The following TC2N variants were observed in gnomAD, a reference collection of about 807,000 sequenced individuals.
TC2N encodes the protein tandem C2 domains nuclear protein.
Under a neutral mutation model 61.9 loss-of-function variants are expected in TC2N, and 51 were observed. The observed-to-expected ratio is 0.82, with a 90% CI of 0.66 to 1.04. The LOEUF (loss-of-function observed/expected upper bound fraction) is 1.04, where lower values mean the gene tolerates loss of function less well. Ranked by LOEUF, TC2N falls within the 50% of genes least tolerant of loss-of-function variation. The probability of loss-of-function intolerance (pLI) is 0.00; values close to 1 mark genes in which losing one functional copy is unlikely to be tolerated. For missense variants in TC2N, 556 were observed against 566.7 expected (o/e 0.98, Z 0.19); for synonymous variants, 204 against 192.6 (o/e 1.06, Z -0.49).
At chr14:91,785,062 C>CTT (rs1270192144) in intron 11 of TC2N, 100 bp downstream of exon 11, 23 of 753,198 alleles carry the variant, frequency 3.1e-5, no homozygotes, top group Admixed American at 5.6e-5. Flanking sequence ...TGCTGAAGAA[C>CTT]TGTACTCTAT....
chr14:91,825,816 C>G (rs1453891264), intron 1 of TC2N, among the ~76,000 whole-genome samples: 1 of 152,074 alleles, frequency 6.6e-6, no homozygotes, highest in African/African-American at 2.4e-5. Context: ...CTGTCTTATT[C>G]TTTTGTTTTT....
At chr14:91,857,735 T>C (rs1284861154) in intron 1 of TC2N, among the ~76,000 whole-genome samples, 3 of 152,164 alleles carry the variant, frequency 2.0e-5, no homozygotes, top group Non-Finnish European at 4.4e-5. Flanking sequence ...ATTCGCACTA[T>C]GATGTACAGT....
intron 1 of TC2N, among the ~76,000 whole-genome samples, chr14:91,847,749 G>A (rs567764161): frequency 6.6e-6 from 1 of 152,274 alleles, no homozygotes; most frequent in South Asian, 2.1e-4. Flanking sequence ...ACTAAATAAC[G>A]ATAAAATGCT....
intron 1 of TC2N, among the ~76,000 whole-genome samples, chr14:91,854,621 G>T (rs1186770817): frequency 6.6e-6 from 1 of 152,148 alleles, no homozygotes; most frequent in Non-Finnish European, 1.5e-5. Flanking sequence ...AAGACTAAGG[G>T]TTGTCTTTGG....
At chr14:91,819,022 C>T (rs188130785) in intron 1 of TC2N, among the ~76,000 whole-genome samples, 3 of 152,112 alleles carry the variant, frequency 2.0e-5, no homozygotes, top group Admixed American at 2.0e-4. Flanking sequence ...ATCTAAGAAC[C>T]TCCGCCAACA....
chr14:91,855,385 G>A (rs1322163654), intron 1 of TC2N, among the ~76,000 whole-genome samples: 2 of 152,206 alleles, frequency 1.3e-5, no homozygotes, highest in Non-Finnish European at 2.9e-5. Context: ...AGAGGCTCTA[G>A]GGGAGAATCC....
chr14:91,848,562 A>G (rs1456542050), intron 1 of TC2N, among the ~76,000 whole-genome samples: 1 of 152,200 alleles, frequency 6.6e-6, no homozygotes, highest in Non-Finnish European at 1.5e-5. Flanking sequence ...TGGTAACTTT[A>G]TTCCAATTTC....
intron 1 of TC2N, among the ~76,000 whole-genome samples, chr14:91,865,031 C>T (rs116914625): frequency 0.017 from 2,550 of 152,114 alleles, 35 homozygotes; most frequent in Non-Finnish European, 0.026. Flanking sequence ...CTGCCCACTT[C>T]GGCCTCCCAG....
chr14:91,853,425 T>C (rs193231142), intron 1 of TC2N, among the ~76,000 whole-genome samples: 1 of 152,314 alleles, frequency 6.6e-6, no homozygotes. Context: ...AGATGTTCAC[T>C]GCGATAATGG....
Position 91,779,966 on chromosome 14 carries a change from A to C in TC2N, c.*3134T>G, listed in dbSNP as rs1277082424. The C allele has an allele frequency of 6.6e-6, 1 of 152,172 alleles. No individual in the cohort carries two copies. The highest frequency in any genetic ancestry group is 1.5e-5 in the Non-Finnish European group (1 of 68,032). 9.4% of individuals were successfully genotyped at this position (152,172 alleles called of 1,614,324 possible). A position where few individuals can be genotyped will look rare whatever the true frequency, so the allele number is the denominator to read the frequency against. On this transcript the variant is annotated 3_prime_UTR_variant, in exon 12 of 12. Transcript: ENST00000435962. ...TCTTTTAATATATTTCTAAATCTTA[A>C]ATCTATATTTCAAAATGAACATGGT... is the stretch of plus-strand genomic sequence containing the variant.
chr14:91,836,758 G>A (rs548211624), intron 1 of TC2N, among the ~76,000 whole-genome samples: 9 of 152,174 alleles, frequency 5.9e-5, no homozygotes, highest in Non-Finnish European at 1.0e-4. Flanking sequence ...TCCTGGGAAG[G>A]TGTAAAATGC....
At chr14:91,788,901 T>C (rs1885493515) in intron 9 of TC2N, among the ~76,000 whole-genome samples, 1 of 152,208 alleles carries the variant, frequency 6.6e-6, no homozygotes, top group African/African-American at 2.4e-5. Context: ...TTATTGCTTT[T>C]GACTGTAATC....
At chr14:91,840,120 C>T (rs772223925) in intron 1 of TC2N, among the ~76,000 whole-genome samples, 7 of 152,308 alleles carry the variant, frequency 4.6e-5, no homozygotes, top group East Asian at 1.9e-4. Flanking sequence ...GCTCACAATA[C>T]GACAAGATGG....
intron 1 of TC2N, among the ~76,000 whole-genome samples, chr14:91,814,240 G>A (rs1442838053): frequency 2.0e-5 from 3 of 148,498 alleles, no homozygotes; most frequent in African/African-American, 4.9e-5. Flanking sequence ...AAGAGAGAAA[G>A]AAGAAAAAAG....
chr14:91,832,536 C>G (rs1367664085), intron 1 of TC2N, among the ~76,000 whole-genome samples: 1 of 152,000 alleles, frequency 6.6e-6, no homozygotes, highest in Non-Finnish European at 1.5e-5. Flanking sequence ...AATGGGATAC[C>G]ATTTCTCACC....
chr14:91,808,943 G>C (rs988080943), intron 3 of TC2N, among the ~76,000 whole-genome samples: 3 of 151,978 alleles, frequency 2.0e-5, no homozygotes, highest in Non-Finnish European at 1.5e-5. Flanking sequence ...AACTTACAAG[G>C]CTGCATGGTT....
At chr14:91,833,219 C>G (rs1887864854) in intron 1 of TC2N, among the ~76,000 whole-genome samples, 1 of 152,044 alleles carries the variant, frequency 6.6e-6, no homozygotes, top group South Asian at 2.1e-4. Flanking sequence ...GTCAAAAGTA[C>G]TATTTTGCAC....
rs1050945741 is a variant in TC2N at position 91,779,971 on chromosome 14, A to G, written c.*3129T>C. The G allele has an allele frequency of 3.9e-5, 6 of 152,182 alleles. No homozygotes were observed. Among genetic ancestry groups the G allele is most frequent in the South Asian group, 2.1e-4 (1 of 4,830 alleles). 9.4% of individuals were successfully genotyped at this position (152,182 alleles called of 1,614,324 possible). ...TAATATATTTCTAAATCTTAAATCT[A>G]TATTTCAAAATGAACATGGTACTTC... On this transcript the variant is annotated 3_prime_UTR_variant, in exon 12 of 12. Coordinates refer to ENST00000435962, the MANE Select transcript of TC2N (RefSeq NM_001128596.3).
intron 1 of TC2N, among the ~76,000 whole-genome samples, chr14:91,826,251 TG>T (rs1372077189): frequency 7.1e-6 from 1 of 141,324 alleles, no homozygotes; most frequent in East Asian, 2.1e-4. Flanking sequence ...GCTCAAGAAG[TG>T]GAGGCTGTGG....
Sources: allele counts gnomAD v4.1 joint callset (sites outside exome capture counted in the v4.1 genomes callset), GRCh38; gene constraint gnomAD v4.1.1; transcripts MANE v1.5; gene names NCBI Gene and HGNC (gene_info 2026-07-23, HGNC 2026-07-21).